FAR2: variants seen among roughly 807,000 people sequenced by gnomAD.
FAR2 encodes the protein epididymis secretory protein Li 81.
FAR2 carries 19 observed loss-of-function variants against 56.0 expected under a neutral mutation model. The observed-to-expected ratio is 0.34, with a 90% CI of 0.24 to 0.50. The LOEUF (loss-of-function observed/expected upper bound fraction) is 0.50, where lower values mean the gene tolerates loss of function less well. FAR2 is among the 20% of genes least tolerant of loss of function. FAR2 has a pLI of 0.98. For synonymous variants in FAR2, 219 were observed against 218.8 expected, an observed-to-expected ratio of 1.00 and a Z score of -0.01; for missense variants, 508 against 642.2, an observed-to-expected ratio of 0.79 and a Z score of 2.26.
intron 9 of FAR2, among the ~76,000 whole-genome samples, chr12:29,321,503 A>C (rs1210364878): frequency 2.0e-5 from 3 of 152,208 alleles, no homozygotes; most frequent in Admixed American, 6.5e-5. Flanking sequence ...ATTCAAGCTG[A>C]ATAGTTGGCT....
chr12:29,313,547 A>T (rs1477590363), intron 8 of FAR2, among the ~76,000 whole-genome samples: 1 of 152,104 alleles, frequency 6.6e-6, no homozygotes, highest in Non-Finnish European at 1.5e-5. Flanking sequence ...CCTATAAATT[A>T]TCTGGATTTG....
At chr12:29,177,693 T>C (rs1167486316) in intron 1 of FAR2, among the ~76,000 whole-genome samples, 1 of 152,192 alleles carries the variant, frequency 6.6e-6, no homozygotes, top group Admixed American at 6.5e-5. Context: ...ATCTCAGAAC[T>C]GGACAAAATC....
At chr12:29,192,212 C>A (rs2136608295) in intron 1 of FAR2, among the ~76,000 whole-genome samples, 1 of 152,318 alleles carries the variant, frequency 6.6e-6, no homozygotes, top group African/African-American at 2.4e-5. Context: ...GTGAATAATT[C>A]TCTCCATTGT....
In FAR2 at chr12:29,197,547, G is replaced by A. The variant is rs577805904; in HGVS notation, c.-39+48140G>A. On this transcript the variant is annotated intron_variant, in intron 1 of 11. Transcript: ENST00000536681. ...AGTAAACTGAGGCTCAGAAAGATTAGATAATTTGCCCAAGTATTTGTTGAG... is the reference window on the plus strand; with the variant it reads ...AGTAAACTGAGGCTCAGAAAGATTAAATAATTTGCCCAAGTATTTGTTGAG... Among the ~76,000 whole-genome samples the A allele has an allele frequency of 4.6e-5, 7 of 152,258 alleles. No homozygotes were observed. The East Asian group carries it at 7.7e-4, about 17-fold the overall frequency.
chr12:29,258,181 T>TC (rs1188881686), intron 1 of FAR2, among the ~76,000 whole-genome samples: 2 of 63,868 alleles, frequency 3.1e-5, no homozygotes, highest in South Asian at 4.2e-4. Context: ...TTGTCTTTAC[T>TC]TAAAAAAAAA....
intron 1 of FAR2, among the ~76,000 whole-genome samples, chr12:29,149,875 C>G (rs764896285): frequency 2.6e-5 from 4 of 152,152 alleles, no homozygotes; most frequent in Non-Finnish European, 5.9e-5. Context: ...GGTCCTAGGT[C>G]CCCTCCCGGT....
Position 29,328,835 on chromosome 12 carries a change from A to G in FAR2, c.1258-3765A>G, listed in dbSNP as rs376546987. Reference sequence around the variant, plus strand: ...TGCAGCACACCAACATGGCACATGTATACATATGTAACAAGCCTGCACGTT... The same window carrying G: ...TGCAGCACACCAACATGGCACATGTGTACATATGTAACAAGCCTGCACGTT... On this transcript the variant is annotated intron_variant, in intron 10 of 11. Transcript: ENST00000536681. 2.4e-4 allele frequency among the ~76,000 whole-genome samples: 37 copies of G among 152,188 alleles called. 1 individual carries two copies. In the East Asian group the frequency reaches 6.8e-3, roughly 28 times the overall value.
chr12:29,160,067 A>G (rs887377921), intron 1 of FAR2, among the ~76,000 whole-genome samples: 1 of 152,174 alleles, frequency 6.6e-6, no homozygotes, highest in Non-Finnish European at 1.5e-5. Flanking sequence ...GTCTGATGAG[A>G]GGATTTCTAG....
chr12:29,247,602 A>G (rs1173454478), intron 1 of FAR2, among the ~76,000 whole-genome samples: 2 of 152,224 alleles, frequency 1.3e-5, no homozygotes, highest in Non-Finnish European at 1.5e-5. Context: ...CCTTGGTTGA[A>G]TAACACATTG....
chr12:29,175,927 T>G (rs572210574), intron 1 of FAR2, among the ~76,000 whole-genome samples: 12 of 152,176 alleles, frequency 7.9e-5, no homozygotes, highest in Non-Finnish European at 1.5e-4. Context: ...GCTTCATCTC[T>G]CAATCTTATA....
At position 29,308,709 on chromosome 12, in the gene FAR2, C is replaced by CATATATATATATATAT. The variant is rs1428996085; in HGVS notation, c.724-476_724-475insTATATATATATATATA. ...ACACAGACACACACACACACACACACACACACACACATATATATATATATG... is the reference window on the plus strand; with the variant it reads ...ACACAGACACACACACACACACACACATATATATATATATATACACACACACATATATATATATATG... On this transcript the variant is annotated intron_variant, in intron 5 of 11. Transcript: ENST00000536681. 1.7e-4 allele frequency among the ~76,000 whole-genome samples: 18 copies of CATATATATATATATAT among 103,704 alleles called. 2 individuals carry two copies. Among genetic ancestry groups the CATATATATATATATAT allele is most frequent in the African/African-American group, 7.3e-4 (17 of 23,152 alleles). 68.0% of individuals were successfully genotyped at this position (103,704 alleles called of 152,430 possible).
chr12:29,311,666 T>TCACACACACACACA (rs61236613), intron 7 of FAR2, among the ~76,000 whole-genome samples: 5,699 of 147,404 alleles, frequency 0.039, 127 homozygotes, highest in Non-Finnish European at 0.047. Context: ...AACATCTCTT[T>TCACACACACACACA]CACACACACA....
intron 10 of FAR2, among the ~76,000 whole-genome samples, chr12:29,324,322 C>T (rs1949606460): frequency 6.6e-6 from 1 of 152,214 alleles, no homozygotes; most frequent in Non-Finnish European, 1.5e-5. Context: ...GGAAAACACT[C>T]TGCAGGGTAT....
intron 1 of FAR2, among the ~76,000 whole-genome samples, chr12:29,161,100 A>G (rs1266358660): frequency 6.6e-6 from 1 of 152,236 alleles, no homozygotes; most frequent in Admixed American, 6.5e-5. Context: ...GACTTCACCA[A>G]GAGTTTCTTC....
At chr12:29,188,464 G>T (rs1591839267) in intron 1 of FAR2, among the ~76,000 whole-genome samples, 1 of 140,888 alleles carries the variant, frequency 7.1e-6, no homozygotes, top group Admixed American at 6.8e-5. Flanking sequence ...TTGATAATTT[G>T]GGGATAATTT....
intron 1 of FAR2, among the ~76,000 whole-genome samples, chr12:29,252,707 C>G (rs959210201): frequency 2.6e-5 from 4 of 152,124 alleles, no homozygotes; most frequent in African/African-American, 9.7e-5. Context: ...TGGTTGTATG[C>G]AGGATAGTTG....
At chr12:29,333,020 C>G (rs1159344947) in intron 11 of FAR2, 8 of 426,234 alleles carry the variant, frequency 1.9e-5, no homozygotes, top group Non-Finnish European at 3.6e-5. Flanking sequence ...AGATTTGAAC[C>G]CAAATTTGTT....
intron 1 of FAR2, among the ~76,000 whole-genome samples, chr12:29,256,262 A>C (rs1948314947): frequency 6.6e-6 from 1 of 152,052 alleles, no homozygotes; most frequent in East Asian, 1.9e-4. Flanking sequence ...ATCATAGCTC[A>C]CTGCAGCCTT....
At position 29,265,452 on chromosome 12, in the gene FAR2, G is replaced by T. The variant is rs190086857; in HGVS notation, c.-38-4960G>T. ...AAGGACAATCTCTTCTATAAATGGT[G>T]CTAGGAAAACTGGATATCTATATGC... On this transcript the variant is annotated intron_variant, in intron 1 of 11. Transcript: ENST00000536681. Among the ~76,000 whole-genome samples, 23 of 152,276 alleles carry T rather than the reference G, an allele frequency of 1.5e-4. No homozygotes were observed. In the East Asian group the frequency reaches 3.9e-3, roughly 26 times the overall value.
Sources: gnomAD v4.1 joint callset for allele counts (sites outside exome capture counted in the v4.1 genomes callset) on GRCh38, gnomAD v4.1.1 for gene constraint, MANE v1.5 for transcripts, NCBI Gene and HGNC (gene_info 2026-07-23, HGNC 2026-07-21) for gene names.